The following MTM1 variants were observed in gnomAD, a reference collection of about 807,000 sequenced individuals.
MTM1 encodes the protein myotubularin 1, also known as myotubularin.
In MTM1, 9 loss-of-function variants were observed where a neutral mutation model predicts 52.1. The observed-to-expected ratio is 0.17, with a 90% CI of 0.10 to 0.30. The LOEUF (loss-of-function observed/expected upper bound fraction) is 0.30. MTM1 is among the 10% of genes least tolerant of loss of function. MTM1 has a pLI of 1.00. For missense variants in MTM1, 277 were observed against 470.7 expected, an observed-to-expected ratio of 0.59 and a Z score of 3.81; for synonymous variants, 136 against 163.8, an observed-to-expected ratio of 0.83 and a Z score of 1.29.
rs1204076414 is a variant in MTM1, at chrX:150,672,536, C to T, written c.*941C>T. On this transcript the variant is annotated 3_prime_UTR_variant, in exon 15 of 15. Coordinates refer to ENST00000370396, the MANE Select transcript of MTM1 (RefSeq NM_000252.3). ...GTGCCCCAGATGTACATGTGTTGAG[C>T]GTATTCTTGAAAGTATTGTGTTTAT... 1.8e-5 allele frequency: 2 copies of T among 111,931 alleles called. No individual in the cohort carries two copies. The highest frequency in any genetic ancestry group is 3.3e-5 in the African/African-American group (1 of 30,746). 9.2% of individuals were successfully genotyped at this position (111,931 alleles called of 1,213,427 possible). A position where few individuals can be genotyped will look rare whatever the true frequency, so the allele number is the denominator to read the frequency against.
rs187394611 is a variant in MTM1 at position 150,645,787 on chromosome X, C to T, written c.783C>T (p.Leu261=). The stretch of plus-strand genomic sequence containing the variant: ...GAAATAAAGATGATGAGAAATATCT[C>T]GATGTTATCAGGGAGACTAATAAAC... ...GKRNKDDEKY[L]DVIRETNKQI... is the part of the protein sequence containing the mutation. Residue 261 remains leucine, a synonymous_variant, in exon 9 of 15, where the codon CTC becomes CTT. Transcript: ENST00000370396. 11 of 1,208,117 alleles carry T rather than the reference C, an allele frequency of 9.1e-6. No individual in the cohort carries two copies. The East Asian group carries it at 1.8e-4, about 20-fold the overall frequency.
intron 1 of MTM1, among the ~76,000 whole-genome samples, chrX:150,583,429 A>AT (rs2038660456): frequency 5.4e-5 from 2 of 37,323 alleles, no homozygotes; most frequent in Non-Finnish European, 8.2e-5. Flanking sequence ...TATAATTATA[A>AT]ATATATAAAA....
chrX:150,568,938 G>A (rs1324511562), intron 1 of MTM1, among the ~76,000 whole-genome samples: 1 of 113,500 alleles, frequency 8.8e-6, no homozygotes, highest in African/African-American at 3.2e-5. Context: ...CGGGACGGGG[G>A]TAGGGGTTGG....
intron 6 of MTM1, among the ~76,000 whole-genome samples, chrX:150,627,616 A>G (rs1486497941): frequency 8.9e-6 from 1 of 111,883 alleles, no homozygotes; most frequent in Non-Finnish European, 1.9e-5. Context: ...TATAATATGC[A>G]TCTGATGATT....
At chrX:150,652,827 AAG>A (rs1304866820) in intron 10 of MTM1, among the ~76,000 whole-genome samples, 1 of 108,529 alleles carries the variant, frequency 9.2e-6, no homozygotes, top group Non-Finnish European at 1.9e-5. Flanking sequence ...TTTTTTTTAA[AAG>A]AGAGAGCACA....
chrX:150,635,061 C>G (rs2039732516), intron 6 of MTM1, among the ~76,000 whole-genome samples: 1 of 110,991 alleles, frequency 9.0e-6, no homozygotes, highest in Non-Finnish European at 1.9e-5. Flanking sequence ...CTGGAAAAAG[C>G]AGCCCACTTC....
intron 1 of MTM1, among the ~76,000 whole-genome samples, chrX:150,569,291 C>T (rs2038322037): frequency 1.8e-5 from 2 of 113,589 alleles, no homozygotes; most frequent in Non-Finnish European, 3.7e-5. Flanking sequence ...CAGGCACGAG[C>T]AAGCGCCCGT....
chrX:150,624,359 A>G (rs1378326882), intron 6 of MTM1, among the ~76,000 whole-genome samples: 1 of 112,361 alleles, frequency 8.9e-6, no homozygotes, highest in African/African-American at 3.2e-5. Flanking sequence ...GGTAAATGAT[A>G]TATTTTAATA....
At chrX:150,576,208 T>C (rs782327112) in intron 1 of MTM1, among the ~76,000 whole-genome samples, 5 of 111,953 alleles carry the variant, frequency 4.5e-5, no homozygotes, top group African/African-American at 1.6e-4. Context: ...ATGCTTATGC[T>C]AGCCTTATAA....
chrX:150,655,542 T>C (rs1424857529), intron 10 of MTM1, among the ~76,000 whole-genome samples: 1 of 111,726 alleles, frequency 9.0e-6, no homozygotes, highest in Non-Finnish European at 1.9e-5. Context: ...CTATATACAA[T>C]GGAAGGTTAT....
Position 150,583,795 on chromosome X carries a change from AATATATATTAAAT to A in MTM1, c.-10-8793_-10-8781del, listed in dbSNP as rs1209235959. Among the ~76,000 whole-genome samples the A allele has an allele frequency of 5.9e-5, 3 of 51,088 alleles. 1 individual carries two copies. Among genetic ancestry groups the A allele is most frequent in the African/African-American group, 7.4e-5 (1 of 13,565 alleles). 44.4% of individuals were successfully genotyped at this position (51,088 alleles called of 115,157 possible). On this transcript the variant is annotated intron_variant, in intron 1 of 14. Transcript: ENST00000370396. ...TATTTAATATATAAAATATATATAA[AATATATATTAAAT>A]ATATATATTAAATATACAAAATATA...
chrX:150,649,281 A>G (rs1162176395), intron 9 of MTM1, among the ~76,000 whole-genome samples: 1 of 112,607 alleles, frequency 8.9e-6, no homozygotes, highest in Admixed American at 9.4e-5. Flanking sequence ...CCTCTAATGC[A>G]TCACGTCCTA....
intron 14 of MTM1, among the ~76,000 whole-genome samples, chrX:150,665,463 T>A (rs1328115619): frequency 8.9e-6 from 1 of 112,805 alleles, no homozygotes; most frequent in Non-Finnish European, 1.9e-5. Flanking sequence ...AGAACATTAT[T>A]TCATACAGAA....
rs2040381424 is a variant in MTM1 at position 150,670,653 on chromosome X, A to G, written c.1645-775A>G. On this transcript the variant is annotated intron_variant, in intron 14 of 14. Transcript: ENST00000370396. ...TGCAGAACAATGGGAACTGCCAGGT[A>G]TCACCAGCAGGAGCCTCTCTGCAGG... Among the ~76,000 whole-genome samples, 3 of 112,257 alleles carry G rather than the reference A, an allele frequency of 2.7e-5. No individual in the cohort carries two copies. In the South Asian group the frequency reaches 1.1e-3, roughly 41 times the overall value.
chrX:150,649,384 A>G (rs2039983876), intron 9 of MTM1, among the ~76,000 whole-genome samples: 1 of 112,703 alleles, frequency 8.9e-6, no homozygotes, highest in African/African-American at 3.2e-5. Flanking sequence ...AGAGATACAA[A>G]ACTAATGGAG....
At chrX:150,640,680 G>C (rs2039832783) in intron 7 of MTM1, among the ~76,000 whole-genome samples, 1 of 111,439 alleles carries the variant, frequency 9.0e-6, no homozygotes, top group African/African-American at 3.3e-5. Context: ...ACAAACTATA[G>C]GGCAATCATC....
At chrX:150,651,893 A>G (rs5925400) in intron 10 of MTM1, among the ~76,000 whole-genome samples, 31,470 of 110,063 alleles carry the variant, frequency 0.29, 3,475 homozygotes, top group South Asian at 0.5. Context: ...GGATATTGGA[A>G]GGTAAAGAAA....
At chrX:150,600,183 G>A (rs1557412713) in intron 4 of MTM1, among the ~76,000 whole-genome samples, 1 of 111,585 alleles carries the variant, frequency 9.0e-6, no homozygotes, top group Non-Finnish European at 1.9e-5. Flanking sequence ...ATGCAGAGGA[G>A]CACATAGAAG....
At chrX:150,632,083 C>G (rs905970107) in intron 6 of MTM1, among the ~76,000 whole-genome samples, 2 of 111,870 alleles carry the variant, frequency 1.8e-5, no homozygotes, top group Non-Finnish European at 3.8e-5. Context: ...TACATTATGG[C>G]TGTGCTCAGG....
Sources: gnomAD v4.1 joint callset for allele counts (sites outside exome capture counted in the v4.1 genomes callset) on GRCh38, gnomAD v4.1.1 for gene constraint, MANE v1.5 for transcripts, NCBI Gene and HGNC (gene_info 2026-07-23, HGNC 2026-07-21) for gene names.